The following RNF38 variants were observed in gnomAD, a reference collection of about 807,000 sequenced individuals.
RNF38 encodes the protein E3 ubiquitin-protein ligase RNF38.
RNF38 carries 15 observed loss-of-function variants against 67.2 expected under a neutral mutation model. That is an observed-to-expected ratio of 0.22 (90% confidence interval 0.15 to 0.34). The LOEUF (loss-of-function observed/expected upper bound fraction) is 0.34, where lower values mean the gene tolerates loss of function less well. RNF38 is among the 10% of genes least tolerant of loss of function. The pLI, the probability that RNF38 is intolerant of heterozygous loss-of-function variation, is 1.00. For missense variants in RNF38, 524 were observed against 639.9 expected (o/e 0.82, Z 1.95); for synonymous variants, 220 against 218.8 (o/e 1.01, Z -0.05).
intron 1 of RNF38, among the ~76,000 whole-genome samples, chr9:36,437,105 G>A (rs188397048): frequency 1.7e-3 from 261 of 152,306 alleles, no homozygotes; most frequent in African/African-American, 6.1e-3. Flanking sequence ...AGTGGCAGGC[G>A]GCCAGCCCTT....
At chr9:36,450,451 T>C (rs1839409669) in intron 1 of RNF38, among the ~76,000 whole-genome samples, 1 of 152,178 alleles carries the variant, frequency 6.6e-6, no homozygotes, top group South Asian at 2.1e-4. Context: ...GGTACATAAC[T>C]ATAAATTTCT....
At chr9:36,380,304 A>G (rs1318194071) in intron 2 of RNF38, among the ~76,000 whole-genome samples, 1 of 152,104 alleles carries the variant, frequency 6.6e-6, no homozygotes, top group Non-Finnish European at 1.5e-5. Context: ...GGTTCAAGCG[A>G]TTCTCCTGCT....
At chr9:36,458,409 C>T (rs977469547) in intron 1 of RNF38, among the ~76,000 whole-genome samples, 1 of 152,190 alleles carries the variant, frequency 6.6e-6, no homozygotes, top group Non-Finnish European at 1.5e-5. Flanking sequence ...GCTGTGAAAG[C>T]TTTGTTCTTT....
At chr9:36,473,599 TTAAATAAA>T (rs967751957) in intron 1 of RNF38, among the ~76,000 whole-genome samples, 1 of 151,576 alleles carries the variant, frequency 6.6e-6, no homozygotes, top group Admixed American at 6.6e-5. Context: ...AAAAAAGATA[TTAAATAAA>T]TAAATAAATA....
At chr9:36,345,123 A>G (rs1833128332) in intron 9 of RNF38, among the ~76,000 whole-genome samples, 170 bp from the exon 10 acceptor site, 1 of 151,828 alleles carries the variant, frequency 6.6e-6, no homozygotes, top group African/African-American at 2.4e-5. Context: ...CTCATGCAAT[A>G]CTCTTGCCTC....
Position 36,430,813 on chromosome 9 carries a change from G to A in RNF38, n.242-6130C>T, listed in dbSNP as rs180866114. 4.6e-3 allele frequency among the ~76,000 whole-genome samples: 698 copies of A among 150,516 alleles called. 5 individuals carry two copies. The highest frequency in any genetic ancestry group is 0.02 in the Middle Eastern group (6 of 294). ...GAGATAAAGAGAATTCAGACATTCC[G>A]AATCCAAACAAAAATCTGGCCCTAA... On this transcript the variant is annotated intron_variant and non_coding_transcript_variant, in intron 1 of 3. Transcript: ENST00000488058.
chr9:36,434,570 G>A (rs1839018571), intron 1 of RNF38, among the ~76,000 whole-genome samples: 1 of 152,118 alleles, frequency 6.6e-6, no homozygotes, highest in African/African-American at 2.4e-5. Flanking sequence ...TGTATTTTTA[G>A]TAAAGATGGG....
intron 2 of RNF38, among the ~76,000 whole-genome samples, chr9:36,417,536 G>A (rs1838507962): frequency 6.6e-6 from 1 of 152,230 alleles, no homozygotes; most frequent in South Asian, 2.1e-4. Flanking sequence ...TTTGGAGACA[G>A]AATCTCACTC....
At chr9:36,466,790 T>G (rs969212657) in intron 1 of RNF38, among the ~76,000 whole-genome samples, 1 of 152,096 alleles carries the variant, frequency 6.6e-6, no homozygotes, top group Non-Finnish European at 1.5e-5. Flanking sequence ...AACTTTTATT[T>G]TCTCTAATAT....
intron 1 of RNF38, among the ~76,000 whole-genome samples, chr9:36,477,821 CAAAAA>C (rs34504795): frequency 1.8e-5 from 2 of 110,432 alleles, no homozygotes. Flanking sequence ...GACTCTGTCT[CAAAAA>C]AAAAAAAAAA....
chr9:36,390,534 A>T lies in RNF38; in HGVS notation c.95T>A (p.Phe32Tyr). 6.2e-7 allele frequency: 1 copy of T among 1,614,088 alleles called. No individual in the cohort carries two copies. Among genetic ancestry groups the T allele is most frequent in the Non-Finnish European group, 8.5e-7 (1 of 1,179,954 alleles). The change falls in exon 2 of 12, where the codon TTC becomes TAC. Residue 32 changes from phenylalanine (F) to tyrosine (Y), a missense_variant. Transcript: ENST00000259605. ...GTTCTGATCACTTGGGAGGAGAGGG[A>T]ACAGGCTCTGAAGTCTCACCCTTTC... Reference protein sequence around the residue: ...ICERVRLQSLFPLLPSDQNTT... With the variant: ...ICERVRLQSLYPLLPSDQNTT...
chr9:36,437,357 G>A (rs1839093879), intron 1 of RNF38, among the ~76,000 whole-genome samples: 1 of 152,138 alleles, frequency 6.6e-6, no homozygotes, highest in East Asian at 1.9e-4. Flanking sequence ...AACTCAAGAG[G>A]AAAAATCTAC....
At chr9:36,343,346 C>CAGGG in intron 10 of RNF38, among the ~76,000 whole-genome samples, 1 of 152,114 alleles carries the variant, frequency 6.6e-6, no homozygotes, top group East Asian at 1.9e-4. Flanking sequence ...TGAGAGAAGA[C>CAGGG]ATTTTTGAAG....
At chr9:36,457,479 G>A (rs927285108) in intron 1 of RNF38, among the ~76,000 whole-genome samples, 1 of 152,160 alleles carries the variant, frequency 6.6e-6, no homozygotes, top group Non-Finnish European at 1.5e-5. Flanking sequence ...AGTCTGCGAT[G>A]GGCACAGACA....
At chr9:36,403,517 T>C (rs1838109517), upstream of RNF38, among the ~76,000 whole-genome samples, 1 of 152,224 alleles carries the variant, frequency 6.6e-6, no homozygotes, top group Non-Finnish European at 1.5e-5. Context: ...ATTCTGACTC[T>C]GAGGCTCCCT....
intron 4 of RNF38, among the ~76,000 whole-genome samples, chr9:36,367,361 T>TC (rs1835052323): frequency 6.6e-6 from 1 of 152,206 alleles, no homozygotes; most frequent in African/African-American, 2.4e-5. Flanking sequence ...TTAAAGTCCT[T>TC]CCTTTTTACA....
At chr9:36,385,257 C>T (rs1299148099) in intron 2 of RNF38, among the ~76,000 whole-genome samples, 1 of 152,106 alleles carries the variant, frequency 6.6e-6, no homozygotes, top group Non-Finnish European at 1.5e-5. Context: ...TATACAACAA[C>T]CGATAACCAG....
chr9:36,380,601 T>C (rs1836142993), intron 2 of RNF38, among the ~76,000 whole-genome samples: 1 of 152,044 alleles, frequency 6.6e-6, no homozygotes, highest in Non-Finnish European at 1.5e-5. Context: ...AAAGAGATGC[T>C]CTCACCTAAG....
intron 2 of RNF38, among the ~76,000 whole-genome samples, chr9:36,389,904 A>G (rs944399639): frequency 3.3e-5 from 5 of 152,186 alleles, no homozygotes; most frequent in African/African-American, 9.7e-5. Context: ...TTTGGTAGCC[A>G]ATGATTTCTA....
Sources: gnomAD v4.1 joint callset for allele counts (sites outside exome capture counted in the v4.1 genomes callset) on GRCh38, gnomAD v4.1.1 for gene constraint, MANE v1.5 for transcripts, NCBI Gene and HGNC (gene_info 2026-07-23, HGNC 2026-07-21) for gene names.